ZC3H6: variants seen among roughly 807,000 people sequenced by gnomAD.
The protein encoded by ZC3H6 is zinc finger CCCH domain-containing protein 6.
A neutral mutation model predicts 107.7 loss-of-function variants in ZC3H6; 40 were observed. That is an observed-to-expected ratio of 0.37 (90% CI 0.29 to 0.48). The LOEUF (loss-of-function observed/expected upper bound fraction) is 0.48, where lower values mean the gene tolerates loss of function less well. Ranked by LOEUF, ZC3H6 falls within the 20% of genes least tolerant of loss-of-function variation. The pLI is 0.98. For missense variants in ZC3H6, 1,267 were observed against 1,410.4 expected (o/e 0.90, Z 1.63); for synonymous variants, 493 against 487.9 (o/e 1.01, Z -0.14).
intron 1 of ZC3H6, among the ~76,000 whole-genome samples, chr2:112,282,833 CT>C (rs1686550372): frequency 6.6e-6 from 1 of 152,204 alleles, no homozygotes; most frequent in Non-Finnish European, 1.5e-5. Flanking sequence ...GGCATCGGCG[CT>C]GATAAAGTGA....
At chr2:112,291,251 T>G (rs74571888) in intron 1 of ZC3H6, among the ~76,000 whole-genome samples, 1 of 151,746 alleles carries the variant, frequency 6.6e-6, no homozygotes, top group Admixed American at 6.6e-5. Context: ...TTTTTTTTTT[T>G]GGAACAGAGT....
Position 112,325,030 on chromosome 2 carries a change from G to T in ZC3H6, c.1919G>T (p.Gly640Val), listed in dbSNP as rs1476198992. Residue 640 changes from glycine to valine, a missense_variant, in exon 11 of 12, where the codon GGG becomes GTG. Gly to Val is a moderately radical substitution (Grantham distance 109). Coordinates refer to ENST00000409871, the MANE Select transcript of ZC3H6 (RefSeq NM_198581.3). ...GTTGTTCAAGACTCACCTAACCATG[G>T]GAGTGGGTCTGATGGCAGCAGCACT... ...PPVVQDSPNH[G>V]SGSDGSSTRT... The T allele has an allele frequency of 1.2e-6, 2 of 1,613,362 alleles. No homozygotes were observed. Among genetic ancestry groups the T allele is most frequent in the Admixed American group, 3.3e-5 (2 of 59,926 alleles).
intron 11 of ZC3H6, among the ~76,000 whole-genome samples, chr2:112,326,610 T>C (rs1010282739): frequency 2.6e-5 from 4 of 152,090 alleles, no homozygotes; most frequent in Non-Finnish European, 5.9e-5. Context: ...CCATTGTCTG[T>C]TTTTTGTTTT....
chr2:112,326,038 G>A (rs1283854346), intron 11 of ZC3H6, among the ~76,000 whole-genome samples: 1 of 151,756 alleles, frequency 6.6e-6, no homozygotes, highest in Non-Finnish European at 1.5e-5. Context: ...GCTATTATAT[G>A]AGCATTTAAA....
At chr2:112,320,782 T>C (rs1371626627) in intron 7 of ZC3H6, among the ~76,000 whole-genome samples, 2 of 152,160 alleles carry the variant, frequency 1.3e-5, no homozygotes, top group African/African-American at 2.4e-5. Flanking sequence ...ATACCTCTTA[T>C]TTAATTTTAA....
chr2:112,306,174 CTTTTT>C (rs35102517), intron 3 of ZC3H6, among the ~76,000 whole-genome samples: 6,320 of 136,856 alleles, frequency 0.046, 274 homozygotes, highest in Non-Finnish European at 0.061. Context: ...GTCTGTATTT[CTTTTT>C]TTTTTTTTTT....
intron 3 of ZC3H6, among the ~76,000 whole-genome samples, chr2:112,306,249 T>C (rs1054389539): frequency 6.7e-6 from 1 of 150,304 alleles, no homozygotes; most frequent in African/African-American, 2.5e-5. Flanking sequence ...CTTGGCTCAC[T>C]GCAACCTCTG....
intron 7 of ZC3H6, among the ~76,000 whole-genome samples, chr2:112,321,311 A>G (rs553176624): frequency 6.6e-6 from 1 of 152,086 alleles, no homozygotes; most frequent in Admixed American, 6.5e-5. Flanking sequence ...TTATTGTGAA[A>G]AGTAACAGAG....
At chr2:112,277,634 A>T (rs1686450800) in intron 1 of ZC3H6, among the ~76,000 whole-genome samples, 1 of 152,256 alleles carries the variant, frequency 6.6e-6, no homozygotes, top group African/African-American at 2.4e-5. Context: ...ATAGGTTGGT[A>T]GTAGGAGCTA....
chr2:112,310,962 A>C (rs528517508), intron 4 of ZC3H6, among the ~76,000 whole-genome samples: 1 of 152,346 alleles, frequency 6.6e-6, no homozygotes, highest in Admixed American at 6.5e-5. Flanking sequence ...ATAAAGGGAA[A>C]ATAATTTTTC....
chr2:112,328,304 T>A (rs1235957109), intron 11 of ZC3H6, among the ~76,000 whole-genome samples: 1 of 152,156 alleles, frequency 6.6e-6, no homozygotes, highest in African/African-American at 2.4e-5. Flanking sequence ...TCAGGATAGG[T>A]TTGGCTATTC....
Position 112,331,774 on chromosome 2 carries a change from C to G in ZC3H6, c.2856C>G (p.Asp952Glu), listed in dbSNP as rs369496817. 4.6e-5 allele frequency: 75 copies of G among 1,613,500 alleles called. No individual in the cohort carries two copies. Among genetic ancestry groups the G allele is most frequent in the Non-Finnish European group, 6.2e-5 (73 of 1,179,816 alleles). Reference sequence around the variant, plus strand: ...AAGGCTACCTAGAACAATTTGGAGACTCACACGGTTCAGGAGCTAAATTAG... The same window carrying G: ...AAGGCTACCTAGAACAATTTGGAGAGTCACACGGTTCAGGAGCTAAATTAG... ...NREGYLEQFG[D>E]SHGSGAKLGD... is the part of the protein sequence containing the mutation. Residue 952 changes from aspartate (D) to glutamate (E), a missense_variant, in exon 12 of 12, where the codon GAC (aspartate) becomes GAG (glutamate). By Grantham distance (45) the Asp-to-Glu change is conservative. Around this residue, in one of 3 missense-constraint regions of ZC3H6, gnomAD observed 925 missense variants for 1,025.7 expected, o/e 0.90. Transcript: ENST00000409871.
intron 5 of ZC3H6, chr2:112,312,192 CA>C (rs1232279174): frequency 5.5e-6 from 2 of 361,614 alleles, no homozygotes; most frequent in East Asian, 9.8e-5. Flanking sequence ...AGTTTAAAAG[CA>C]AAAATATATC....
At chr2:112,309,447 T>C (rs1174842664) in intron 3 of ZC3H6, among the ~76,000 whole-genome samples, 1 of 152,148 alleles carries the variant, frequency 6.6e-6, no homozygotes, top group East Asian at 1.9e-4. Flanking sequence ...ACACATACAG[T>C]TTTTTATTAA....
intron 1 of ZC3H6, among the ~76,000 whole-genome samples, chr2:112,279,034 C>T (rs549023779): frequency 6.6e-5 from 10 of 152,188 alleles, no homozygotes; most frequent in Non-Finnish European, 1.3e-4. Context: ...GGAGTTAAAA[C>T]ATTGTATTTT....
At chr2:112,302,759 T>C (rs1262621137) in intron 2 of ZC3H6, among the ~76,000 whole-genome samples, 1 of 152,174 alleles carries the variant, frequency 6.6e-6, no homozygotes, top group Non-Finnish European at 1.5e-5. Context: ...GCCAGATTTA[T>C]TTTATTTTTG....
At chr2:112,280,035 C>T (rs1348828611) in intron 1 of ZC3H6, among the ~76,000 whole-genome samples, 1 of 152,190 alleles carries the variant, frequency 6.6e-6, no homozygotes, top group Non-Finnish European at 1.5e-5. Flanking sequence ...TCCTGATCTT[C>T]TAACTTGGGT....
intron 2 of ZC3H6, among the ~76,000 whole-genome samples, chr2:112,301,215 C>T (rs955723509): frequency 6.6e-6 from 1 of 152,212 alleles, no homozygotes; most frequent in Non-Finnish European, 1.5e-5. Context: ...CCAGTTCATG[C>T]ATGAATGTAA....
At chr2:112,283,215 G>C (rs1275204847) in intron 1 of ZC3H6, among the ~76,000 whole-genome samples, 1 of 152,108 alleles carries the variant, frequency 6.6e-6, no homozygotes, top group East Asian at 1.9e-4. Context: ...TACCAACCAA[G>C]ACAGTAGTCA....
Sources: allele counts gnomAD v4.1 joint callset (sites outside exome capture counted in the v4.1 genomes callset), GRCh38; gene constraint gnomAD v4.1.1; regional missense constraint gnomAD v4.1.1; transcripts MANE v1.5; gene names NCBI Gene and HGNC (gene_info 2026-07-23, HGNC 2026-07-21).